GABBR2: variants seen among roughly 807,000 people sequenced by gnomAD.
GABBR2 encodes the protein G-protein coupled receptor 51.
GABBR2 carries 23 observed loss-of-function variants against 105.6 expected under a neutral mutation model. The observed-to-expected ratio is 0.22, with a 90% CI of 0.16 to 0.31. GABBR2 has a LOEUF of 0.31. Ranked by LOEUF, GABBR2 falls within the 10% of genes least tolerant of loss-of-function variation. The probability of loss-of-function intolerance (pLI) is 1.00; values close to 1 mark genes in which losing one functional copy is unlikely to be tolerated. For missense variants in GABBR2, 734 were observed against 1,245.5 expected (o/e 0.59, Z 6.18); for synonymous variants, 478 against 499.7 (o/e 0.96, Z 0.58).
chr9:98,499,047 GGCAATACA>G (rs749666570), intron 3 of GABBR2, among the ~76,000 whole-genome samples: 109 of 152,286 alleles, frequency 7.2e-4, no homozygotes, highest in Non-Finnish European at 1.4e-3. Flanking sequence ...ATAAGATGGG[GGCAATACA>G]GCAAGTAGCT....
chr9:98,673,681 T>A (rs1830434730), intron 1 of GABBR2, among the ~76,000 whole-genome samples: 1 of 152,108 alleles, frequency 6.6e-6, no homozygotes, highest in Non-Finnish European at 1.5e-5. Context: ...GTGAAAACTT[T>A]AGGTCCCTGA....
chr9:98,502,842 G>C (rs185897517), intron 3 of GABBR2, among the ~76,000 whole-genome samples: 1 of 152,164 alleles, frequency 6.6e-6, no homozygotes, highest in Admixed American at 6.5e-5. Flanking sequence ...GTACCTTTCC[G>C]AGCAGCCACT....
intron 17 of GABBR2, among the ~76,000 whole-genome samples, chr9:98,297,021 T>G (rs1472471958): frequency 1.3e-5 from 2 of 152,130 alleles, no homozygotes; most frequent in South Asian, 4.1e-4. Flanking sequence ...ATGTTTTCAT[T>G]TTTTATATTT....
At chr9:98,556,253 G>A (rs1564113386) in intron 2 of GABBR2, among the ~76,000 whole-genome samples, 1 of 152,154 alleles carries the variant, frequency 6.6e-6, no homozygotes, top group Non-Finnish European at 1.5e-5. Context: ...GGAGGCCTGA[G>A]AGCCACCTGC....
At chr9:98,513,426 A>T (rs1466464395) in intron 3 of GABBR2, among the ~76,000 whole-genome samples, 1 of 151,186 alleles carries the variant, frequency 6.6e-6, no homozygotes, top group Non-Finnish European at 1.5e-5. Flanking sequence ...TAAACTAAAG[A>T]ACTTCTGCAC....
At chr9:98,529,304 A>T (rs968085236) in intron 3 of GABBR2, among the ~76,000 whole-genome samples, 1 of 152,258 alleles carries the variant, frequency 6.6e-6, no homozygotes, top group Non-Finnish European at 1.5e-5. Flanking sequence ...AAAACACATC[A>T]GGGCTATGGC....
chr9:98,387,113 A>C (rs1376810258), intron 10 of GABBR2, among the ~76,000 whole-genome samples: 1 of 152,134 alleles, frequency 6.6e-6, no homozygotes. Flanking sequence ...GGCTTCCCAG[A>C]GGAGGTGGGC....
At chr9:98,353,164 G>T (rs1477192630) in intron 13 of GABBR2, among the ~76,000 whole-genome samples, 1 of 152,174 alleles carries the variant, frequency 6.6e-6, no homozygotes, top group East Asian at 1.9e-4. Context: ...GACCACTAAA[G>T]ATCTATTTTC....
intron 1 of GABBR2, among the ~76,000 whole-genome samples, chr9:98,673,049 A>T (rs748265965): frequency 2.6e-5 from 4 of 152,264 alleles, no homozygotes; most frequent in African/African-American, 9.6e-5. Context: ...AAAGTCTCCA[A>T]TGAAATAAGT....
chr9:98,310,803 G>A (rs548636413), intron 14 of GABBR2, among the ~76,000 whole-genome samples: 4 of 152,252 alleles, frequency 2.6e-5, no homozygotes, highest in African/African-American at 9.6e-5. Context: ...GCACAGCCAC[G>A]AGTTTTTGGG....
chr9:98,611,182 A>C (rs1476836346), intron 1 of GABBR2, among the ~76,000 whole-genome samples: 2 of 152,046 alleles, frequency 1.3e-5, no homozygotes, highest in Non-Finnish European at 2.9e-5. Flanking sequence ...CCGGAGATAA[A>C]GATTGGGATA....
intron 1 of GABBR2, among the ~76,000 whole-genome samples, chr9:98,641,504 G>A (rs1181373091): frequency 6.6e-6 from 1 of 152,052 alleles, no homozygotes; most frequent in African/African-American, 2.4e-5. Context: ...GGGGTAAGAG[G>A]GAAGTCCACG....
chr9:98,465,240 T>C (rs574766930), intron 6 of GABBR2, among the ~76,000 whole-genome samples: 1 of 151,614 alleles, frequency 6.6e-6, no homozygotes, highest in South Asian at 2.1e-4. Flanking sequence ...TATAAAGTCA[T>C]TTGCTTTATG....
At chr9:98,441,984 G>A (rs1020138941) in intron 7 of GABBR2, among the ~76,000 whole-genome samples, 1 of 152,164 alleles carries the variant, frequency 6.6e-6, no homozygotes, top group Non-Finnish European at 1.5e-5. Context: ...TGAATGATGA[G>A]GTTTCAGGAG....
rs771847319 is a variant in GABBR2 at position 98,541,960 on chromosome 9, C to T, written c.543G>A (p.Ala181=). 11 of 1,613,976 alleles carry T rather than the reference C, an allele frequency of 6.8e-6. No homozygotes were observed. The highest frequency in any genetic ancestry group is 3.3e-5 in the South Asian group (3 of 91,082). ...YFFRTVPSDN[A]VNPAILKLLK... ...GCAACTTCAGAATGGCTGGATTCAC[C>T]GCATTGTCTGATGGGACGGTCCGAA... The change falls in exon 3 of 19, where the codon GCG becomes GCA. Residue 181 remains alanine, a synonymous_variant. Transcript: ENST00000259455.
At chr9:98,451,261 A>C (rs771711747) in intron 7 of GABBR2, among the ~76,000 whole-genome samples, 18 of 152,142 alleles carry the variant, frequency 1.2e-4, no homozygotes. Flanking sequence ...TCAACTGAGA[A>C]GCTCTTCTTT....
intron 3 of GABBR2, among the ~76,000 whole-genome samples, chr9:98,538,287 G>A (rs189967865): frequency 1.3e-5 from 2 of 152,298 alleles, no homozygotes; most frequent in Middle Eastern, 3.4e-3. Context: ...AGCCCACCTG[G>A]TACCAAATCC....
Position 98,704,149 on chromosome 9 carries a change from T to C in GABBR2, c.321+4268A>G, listed in dbSNP as rs541768252. ...CAGCATCAACAGCTCCAGTAGGTGC[T>C]CAGTAAACACCTGCTGAGCTGTACT... On this transcript the variant is annotated intron_variant, in intron 1 of 18. Coordinates refer to ENST00000259455, the MANE Select transcript of GABBR2 (RefSeq NM_005458.8). 1.9e-3 allele frequency among the ~76,000 whole-genome samples: 291 copies of C among 152,328 alleles called. 1 individual carries two copies. Among genetic ancestry groups the C allele is most frequent in the African/African-American group, 6.8e-3 (281 of 41,576 alleles).
intron 17 of GABBR2, among the ~76,000 whole-genome samples, chr9:98,296,350 C>G (rs757591212): frequency 1.3e-5 from 2 of 152,172 alleles, no homozygotes; most frequent in Non-Finnish European, 2.9e-5. Flanking sequence ...GACTCCCCAG[C>G]CTCCAGAACT....
Sources: allele counts gnomAD v4.1 joint callset (sites outside exome capture counted in the v4.1 genomes callset), GRCh38; gene constraint gnomAD v4.1.1; transcripts MANE v1.5; gene names NCBI Gene and HGNC (gene_info 2026-07-23, HGNC 2026-07-21).